Variants in METTL27 observed in about 807,000 individuals in gnomAD.
METTL27 encodes methyltransferase like 27, also known as methyltransferase-like protein 27.
Under a neutral mutation model 24.5 loss-of-function variants are expected in METTL27, and 29 were observed. The observed-to-expected ratio is 1.18, with a 90% CI of 0.88 to 1.61. The LOEUF is 1.61. Among genes scored for constraint, METTL27 ranks in the 40% most tolerant of loss-of-function variants. METTL27 has a pLI of 0.00. For synonymous variants in METTL27, 138 were observed against 146.8 expected, an observed-to-expected ratio of 0.94 and a Z score of 0.43; for missense variants, 341 against 324.3, an observed-to-expected ratio of 1.05 and a Z score of -0.40.
chr7:73,840,425 G>GGCAGAGGCTCCTGGCCCAGGGT lies in METTL27; in HGVS notation c.355_376dup (p.Pro126HisfsTer25), dbSNP rs1788318624. On this transcript the variant is annotated frameshift_variant, in exon 4 of 6. Coordinates refer to ENST00000297873, the MANE Select transcript of METTL27 (RefSeq NM_152559.3). LOFTEE classifies it high-confidence loss of function. The stretch of plus-strand genomic sequence containing the variant: ...GGGAGAGAAAGTACCTTCCGGGCTG[G>GGCAGAGGCTCCTGGCCCAGGGT]GCAGAGGCTCCTGGCCCAGGGTGCA... The GGCAGAGGCTCCTGGCCCAGGGT allele has an allele frequency of 6.3e-7, 1 of 1,583,322 alleles. No individual in the cohort carries two copies. The highest frequency in any genetic ancestry group is 8.6e-7 in the Non-Finnish European group (1 of 1,165,382).
chr7:73,838,764 T>G (rs1370550376), intron 5 of METTL27, among the ~76,000 whole-genome samples: 2 of 152,220 alleles, frequency 1.3e-5, no homozygotes, highest in Admixed American at 1.3e-4. Context: ...TTTGTCAGCC[T>G]TCAGGGCTCC....
In METTL27 at chr7:73,842,065, C is replaced by A; in HGVS notation, c.76G>T (p.Ala26Ser). 6.2e-7 allele frequency: 1 copy of A among 1,614,052 alleles called. No individual in the cohort carries two copies. The highest frequency in any genetic ancestry group is 1.1e-5 in the South Asian group (1 of 91,082). Reference sequence around the variant, plus strand: ...CGGTCATAGAAATGGAGCTTTTGGGCCAGGTCGGGGATGCCATGCGCGGCC... The same window carrying A: ...CGGTCATAGAAATGGAGCTTTTGGGACAGGTCGGGGATGCCATGCGCGGCC... ...VRAAHGIPDL[A>S]QKLHFYDRWA... Residue 26 changes from alanine to serine, a missense_variant, in exon 2 of 6, where the codon GCC becomes TCC. Transcript: ENST00000297873.
intron 5 of METTL27, among the ~76,000 whole-genome samples, chr7:73,836,763 C>G (rs1788216687): frequency 1.2e-5 from 1 of 80,904 alleles, no homozygotes; most frequent in African/African-American, 3.7e-5. Flanking sequence ...TGCCCGGCCA[C>G]CACCCCGTCT....
At chr7:73,841,922 C>T (rs2130562666) in intron 2 of METTL27, 96 bp downstream of exon 2, 1 of 1,597,618 alleles carries the variant, frequency 6.3e-7, no homozygotes, top group Non-Finnish European at 8.5e-7. Flanking sequence ...CTCACTTCGT[C>T]CTCACAGCCG....
At chr7:73,841,816 C>T (rs1350778490) in intron 2 of METTL27, among the ~76,000 whole-genome samples, 5 of 152,078 alleles carry the variant, frequency 3.3e-5, no homozygotes, top group African/African-American at 1.2e-4. Context: ...CTCCAGGCAG[C>T]CCCCCTCAGG....
In METTL27 at chr7:73,840,946, T is replaced by G. The variant is rs951248972; in HGVS notation, c.252+124A>C. On this transcript the variant is annotated intron_variant, in intron 3 of 5. Transcript: ENST00000297873. ...ATAGTGTGAGCCACAGTATGCCTGG[T>G]CCTGTCTCATGCATTTGAAACAGTG... 8.2e-6 allele frequency: 11 copies of G among 1,336,116 alleles called. No individual in the cohort carries two copies. In the Admixed American group the frequency reaches 1.4e-4, roughly 18 times the overall value. 82.8% of individuals were successfully genotyped at this position (1,336,116 alleles called of 1,614,324 possible). A position where few individuals can be genotyped will look rare whatever the true frequency, so the allele number is the denominator to read the frequency against.
intron 5 of METTL27, among the ~76,000 whole-genome samples, chr7:73,835,853 C>T (rs1788161802): frequency 7.2e-6 from 1 of 138,796 alleles, no homozygotes; most frequent in Admixed American, 7.0e-5. Flanking sequence ...TGGGGAGCGC[C>T]TCTGCCCCGC....
intron 1 of METTL27, 114 bp from the exon 2 acceptor site, chr7:73,842,258 C>T: frequency 6.8e-7 from 1 of 1,464,876 alleles, no homozygotes. Context: ...CCAGCGCGAC[C>T]CCTATCCCGG....
intron 5 of METTL27, 192 bp from the exon 6 acceptor site, chr7:73,835,194 C>CCTT (rs1788131267): frequency 3.2e-6 from 1 of 313,592 alleles, no homozygotes; most frequent in Non-Finnish European, 5.4e-6. Context: ...TCCCTCCTCT[C>CCTT]CCTCTCCCTC....
intron 5 of METTL27, among the ~76,000 whole-genome samples, chr7:73,838,570 A>C (rs4484569): frequency 6.6e-6 from 1 of 151,936 alleles, no homozygotes; most frequent in Non-Finnish European, 1.5e-5. Context: ...AAGGGAGCGC[A>C]GTGAGAGGAG....
At chr7:73,841,020 T>G in intron 3 of METTL27, 50 bp downstream of exon 3, 1 of 1,413,986 alleles carries the variant, frequency 7.1e-7, no homozygotes, top group Non-Finnish European at 9.2e-7. Flanking sequence ...GTAGGAGATT[T>G]GAGGAAGTGC....
rs201146628 is a variant in METTL27 at position 73,839,987 on chromosome 7, T to C, written c.478+44A>G. 3 of 1,541,744 alleles carry C rather than the reference T, an allele frequency of 1.9e-6. No individual in the cohort carries two copies. The East Asian group carries it at 6.8e-5, about 35-fold the overall frequency. ...TCTGCACTATGCACAGGGGAAGGTA[T>C]ATGGTGACGGGGGTTGGGGGTGGTT... is the stretch of plus-strand genomic sequence containing the variant. On this transcript the variant is annotated intron_variant, in intron 5 of 5. Transcript: ENST00000297873.
chr7:73,841,230 G>A lies in METTL27; in HGVS notation c.124-32C>T, dbSNP rs1379222173. The stretch of plus-strand genomic sequence containing the variant: ...AAAGAGTGCCGGGCCTACAACACCG[G>A]TGCCCCAGTGTTTGGGGGATCTCCC... On this transcript the variant is annotated intron_variant, in intron 2 of 5. Transcript: ENST00000297873. The A allele has an allele frequency of 4.5e-6, 7 of 1,546,726 alleles. No homozygotes were observed. The African/African-American group carries it at 8.6e-5, about 19-fold the overall frequency.
Position 73,834,663 on chromosome 7 carries a change from G to T in METTL27, c.*80C>A. ...TGGTTCGGAGGTCCCATTTTACAGG[G>T]GAGGCAGAGGAGGCCCAGCAGATGG... On this transcript the variant is annotated 3_prime_UTR_variant, in exon 6 of 6. Coordinates refer to ENST00000297873, the MANE Select transcript of METTL27 (RefSeq NM_152559.3). The T allele has an allele frequency of 7.6e-7, 1 of 1,307,930 alleles. No individual in the cohort carries two copies. Among genetic ancestry groups the T allele is most frequent in the Non-Finnish European group, 1.1e-6 (1 of 940,628 alleles). The allele number at this position is 1,307,930 out of a possible 1,614,324, so 81.0% of individuals were successfully genotyped here. A position where few individuals can be genotyped will look rare whatever the true frequency, so the allele number is the denominator to read the frequency against.
At chr7:73,835,142 T>G (rs1554634835) in intron 5 of METTL27, 140 bp from the exon 6 acceptor site, 16 of 1,143,726 alleles carry the variant, frequency 1.4e-5, no homozygotes, top group Non-Finnish European at 1.6e-5. Flanking sequence ...CCTCTCCCTC[T>G]CCCTCTCCCT....
chr7:73,835,179 TC>T, intron 5 of METTL27, 177 bp from the exon 6 acceptor site: 1 of 751,974 alleles, frequency 1.3e-6, no homozygotes. Context: ...CTCCTCTCCC[TC>T]CTCTCCCTCC....
chr7:73,834,653 AT>A lies in METTL27; in HGVS notation c.*89del. On this transcript the variant is annotated 3_prime_UTR_variant, in exon 6 of 6. Coordinates refer to ENST00000297873, the MANE Select transcript of METTL27 (RefSeq NM_152559.3). ...GGGGCAGGGTTGGTTCGGAGGTCCC[AT>A]TTTACAGGGGAGGCAGAGGAGGCCC... 1 of 1,238,946 alleles carries A rather than the reference AT, an allele frequency of 8.1e-7. No individual in the cohort carries two copies. The highest frequency in any genetic ancestry group is 1.1e-6 in the Non-Finnish European group (1 of 885,618). The allele number at this position is 1,238,946 out of a possible 1,614,324, so 76.7% of individuals were successfully genotyped here.
Position 73,842,350 on chromosome 7 carries a change from G to A in METTL27, c.-5+140C>T, listed in dbSNP as rs1219629214. On this transcript the variant is annotated intron_variant, in intron 1 of 5. Coordinates refer to ENST00000297873, the MANE Select transcript of METTL27 (RefSeq NM_152559.3). ...TCTGGGGCTGCAGGGCTGGGGGAAGGGCAAGGTGGGAGAAGGGGGTGCCCC... is the reference window on the plus strand; with the variant it reads ...TCTGGGGCTGCAGGGCTGGGGGAAGAGCAAGGTGGGAGAAGGGGGTGCCCC... The A allele has an allele frequency of 3.9e-6, 3 of 778,334 alleles. No individual in the cohort carries two copies. In the East Asian group the frequency reaches 9.7e-5, roughly 25 times the overall value. 48.2% of individuals were successfully genotyped at this position (778,334 alleles called of 1,614,324 possible).
intron 5 of METTL27, 28 bp from the exon 6 acceptor site, chr7:73,835,030 G>A: frequency 1.9e-6 from 3 of 1,581,616 alleles, no homozygotes; most frequent in Non-Finnish European, 2.6e-6. Context: ...GTGAGGTGGG[G>A]GAGGGGCAGG....
Sources: gnomAD v4.1 joint callset for allele counts (sites outside exome capture counted in the v4.1 genomes callset) on GRCh38, gnomAD v4.1.1 for gene constraint, MANE v1.5 for transcripts, NCBI Gene and HGNC (gene_info 2026-07-23, HGNC 2026-07-21) for gene names.